The following TENM3 variants were observed in gnomAD, a reference collection of about 807,000 sequenced individuals.
TENM3 encodes teneurin-3.
A neutral mutation model predicts 255.1 loss-of-function variants in TENM3; 63 were observed. The ratio of observed to expected loss-of-function variants is 0.25; its 90% CI spans 0.20 to 0.30. The LOEUF (loss-of-function observed/expected upper bound fraction) is 0.30, where lower values mean the gene tolerates loss of function less well. TENM3 is among the 10% of genes least tolerant of loss of function. The pLI is 1.00. For synonymous variants in TENM3, 1,306 were observed against 1,322.3 expected, an observed-to-expected ratio of 0.99 and a Z score of 0.27; for missense variants, 2,929 against 3,461.1, an observed-to-expected ratio of 0.85 and a Z score of 3.86.
chr4:181,713,951 A>G, the TENM3 span, among the ~76,000 whole-genome samples: 1 of 152,198 alleles, frequency 6.6e-6, no homozygotes, highest in African/African-American at 2.4e-5. Flanking sequence ...AGGTTAAGAC[A>G]GGTACTTTGT....
rs138831367 is a variant in TENM3, at chr4:182,506,306, C to T, written c.512-94618C>T. Among the ~76,000 whole-genome samples, 57 of 152,172 alleles carry T rather than the reference C, an allele frequency of 3.7e-4. 1 individual carries two copies. The highest frequency in any genetic ancestry group is 7.9e-4 in the Admixed American group (12 of 15,278). ...ATATTTAGAGATAATACGGTGTGGT[C>T]GAAAGAGGGCATATTTTGGAGTCAG... On this transcript the variant is annotated intron_variant, in intron 3 of 27. Transcript: ENST00000511685.
At chr4:182,481,379 TAGCTC>T (rs370909982) in intron 3 of TENM3, among the ~76,000 whole-genome samples, 22 of 152,230 alleles carry the variant, frequency 1.4e-4, no homozygotes, top group African/African-American at 5.1e-4. Flanking sequence ...GAAATAAGTA[TAGCTC>T]CTGTTAGTTA....
At chr4:182,318,381 A>G (rs946565927) in intron 1 of TENM3, among the ~76,000 whole-genome samples, 2 of 152,200 alleles carry the variant, frequency 1.3e-5, no homozygotes, top group Non-Finnish European at 2.9e-5. Flanking sequence ...TACTTTCTAA[A>G]GATACAATTA....
At position 182,650,050 on chromosome 4, in the gene TENM3, G is replaced by GA. The variant is rs1324429109; in HGVS notation, c.989-3713dup. On this transcript the variant is annotated intron_variant, in intron 5 of 27. Transcript: ENST00000511685. ...ATCTCCACTTTCTTGGATTTAAAAC[G>GA]AAAAAAAATAAGTCATAATAACCAT... 2.8e-4 allele frequency among the ~76,000 whole-genome samples: 42 copies of GA among 149,532 alleles called. 3 individuals are homozygous for GA. The highest frequency in any genetic ancestry group is 4.4e-4 in the South Asian group (2 of 4,564).
the TENM3 span, among the ~76,000 whole-genome samples, chr4:181,557,889 C>A: frequency 6.6e-6 from 1 of 152,216 alleles, no homozygotes; most frequent in East Asian, 1.9e-4. Flanking sequence ...CAAAGATATC[C>A]CTAGATTTCC....
At chr4:182,250,995 G>A (rs1261053652) in intron 1 of TENM3, among the ~76,000 whole-genome samples, 1 of 152,230 alleles carries the variant, frequency 6.6e-6, no homozygotes, top group Non-Finnish European at 1.5e-5. Flanking sequence ...GCTCTAAACA[G>A]TGAGAGATTT....
At chr4:182,545,315 A>G (rs1314287398) in intron 3 of TENM3, among the ~76,000 whole-genome samples, 1 of 152,138 alleles carries the variant, frequency 6.6e-6, no homozygotes, top group Non-Finnish European at 1.5e-5. Flanking sequence ...TAGGTGATAT[A>G]TCAGCAAACT....
chr4:181,612,641 T>C, the TENM3 span, among the ~76,000 whole-genome samples: 5 of 152,218 alleles, frequency 3.3e-5, no homozygotes, highest in Admixed American at 3.3e-4. Flanking sequence ...AGTATTTGTA[T>C]GTGTGTGTTT....
the TENM3 span, among the ~76,000 whole-genome samples, chr4:182,051,382 T>C: frequency 1.3e-5 from 2 of 149,850 alleles, no homozygotes; most frequent in Non-Finnish European, 1.5e-5. Context: ...TCCTCTCTTT[T>C]TTTTTTTTTT....
intron 3 of TENM3, among the ~76,000 whole-genome samples, chr4:182,478,592 C>T (rs1733902756): frequency 6.6e-6 from 1 of 151,884 alleles, no homozygotes; most frequent in African/African-American, 2.4e-5. Context: ...AGTGACTTGA[C>T]TCTTTGCCAC....
At chr4:182,626,300 G>A (rs562378859) in intron 4 of TENM3, among the ~76,000 whole-genome samples, 3 of 152,230 alleles carry the variant, frequency 2.0e-5, no homozygotes, top group African/African-American at 7.2e-5. Flanking sequence ...GTACACATTC[G>A]TTTTGATGAT....
chr4:182,601,934 A>C (rs1410625569), intron 4 of TENM3, among the ~76,000 whole-genome samples: 1 of 152,238 alleles, frequency 6.6e-6, no homozygotes, highest in Non-Finnish European at 1.5e-5. Flanking sequence ...TTCTCTGTAC[A>C]CATAGCATAG....
intron 3 of TENM3, among the ~76,000 whole-genome samples, chr4:182,468,136 C>T (rs1753924447): frequency 6.6e-6 from 1 of 152,076 alleles, no homozygotes; most frequent in Non-Finnish European, 1.5e-5. Context: ...CCTGTAATCC[C>T]AGCACTTGGG....
In TENM3 at chr4:182,327,614, C is replaced by T. The variant is rs566906958; in HGVS notation, c.232+3362C>T. Among the ~76,000 whole-genome samples the T allele has an allele frequency of 3.9e-5, 6 of 152,284 alleles. 1 individual carries two copies. Among genetic ancestry groups the T allele is most frequent in the African/African-American group, 1.4e-4 (6 of 41,546 alleles). ...AATGCTGGGGATCATTTCTTCTTCA[C>T]AGTCATTGTGTAATTTGACGGGATC... On this transcript the variant is annotated intron_variant, in intron 2 of 27. Coordinates refer to ENST00000511685, the MANE Select transcript of TENM3 (RefSeq NM_001080477.4).
At chr4:182,431,817 C>T (rs1208015583) in intron 3 of TENM3, among the ~76,000 whole-genome samples, 2 of 151,930 alleles carry the variant, frequency 1.3e-5, no homozygotes, top group African/African-American at 4.8e-5. Flanking sequence ...TGGTTTACAC[C>T]TGTAATCCCA....
At chr4:181,533,172 C>G in the TENM3 span, among the ~76,000 whole-genome samples, 4 of 152,090 alleles carry the variant, frequency 2.6e-5, no homozygotes, top group South Asian at 2.1e-4. Flanking sequence ...CTACTCAAAG[C>G]CTGCTCTGGT....
intron 1 of TENM3, among the ~76,000 whole-genome samples, chr4:182,218,679 A>G (rs1755658898): frequency 6.6e-6 from 1 of 152,236 alleles, no homozygotes; most frequent in Non-Finnish European, 1.5e-5. Flanking sequence ...TGGCAATTTC[A>G]TATTATACAA....
chr4:181,788,678 G>A, the TENM3 span, among the ~76,000 whole-genome samples: 2 of 152,080 alleles, frequency 1.3e-5, no homozygotes, highest in Non-Finnish European at 2.9e-5. Flanking sequence ...GCTCTCTGAA[G>A]CCTGGAATCG....
At chr4:182,503,916 T>G (rs1191704510) in intron 3 of TENM3, among the ~76,000 whole-genome samples, 2 of 152,166 alleles carry the variant, frequency 1.3e-5, no homozygotes, top group Non-Finnish European at 2.9e-5. Flanking sequence ...CCACCCTATT[T>G]AAAGTTTTAT....
Sources: allele counts gnomAD v4.1 joint callset (sites outside exome capture counted in the v4.1 genomes callset), GRCh38; gene constraint gnomAD v4.1.1; transcripts MANE v1.5; gene names NCBI Gene and HGNC (gene_info 2026-07-23, HGNC 2026-07-21).